The following KCNS3 variants were observed in gnomAD, a reference collection of about 807,000 sequenced individuals.
KCNS3 encodes the protein delayed-rectifier potassium channel regulatory subunit KCNS3.
In KCNS3, 13 loss-of-function variants were observed where a neutral mutation model predicts 31.0. The ratio of observed to expected loss-of-function variants is 0.42; its 90% CI spans 0.27 to 0.67. The LOEUF is 0.67. Among genes scored for constraint, KCNS3 ranks in the 30% least tolerant of loss-of-function variants. The pLI is 0.25. For synonymous variants in KCNS3, 238 were observed against 241.5 expected (o/e 0.99, Z 0.13); for missense variants, 545 against 622.4 (o/e 0.88, Z 1.32).
intron 1 of KCNS3, among the ~76,000 whole-genome samples, chr2:17,886,374 G>A (rs1319100726): frequency 6.6e-6 from 1 of 152,202 alleles, no homozygotes; most frequent in African/African-American, 2.4e-5. Context: ...GATTTGGATT[G>A]AGTGGAGATG....
chr2:17,923,667 A>G (rs1572502122), intron 2 of KCNS3, among the ~76,000 whole-genome samples: 1 of 151,924 alleles, frequency 6.6e-6, no homozygotes, highest in East Asian at 1.9e-4. Context: ...TGGGATACAT[A>G]TCCAATTTAG....
At chr2:17,907,664 A>C (rs187537160) in intron 1 of KCNS3, among the ~76,000 whole-genome samples, 2 of 152,118 alleles carry the variant, frequency 1.3e-5, no homozygotes, top group African/African-American at 4.8e-5. Context: ...GGTGGTGACA[A>C]AATCTCTCAG....
chr2:17,921,619 A>G (rs1342385831), intron 2 of KCNS3, among the ~76,000 whole-genome samples: 2 of 152,232 alleles, frequency 1.3e-5, no homozygotes, highest in East Asian at 3.9e-4. Flanking sequence ...GAAACTTAAA[A>G]TCATGGCAGA....
intron 2 of KCNS3, among the ~76,000 whole-genome samples, chr2:17,921,117 AAG>A (rs1195000347): frequency 6.6e-6 from 1 of 152,240 alleles, no homozygotes; most frequent in Non-Finnish European, 1.5e-5. Flanking sequence ...TTGAGAATAA[AAG>A]AGTGAATAAT....
chr2:17,900,656 AT>A (rs1356973018), intron 1 of KCNS3, among the ~76,000 whole-genome samples: 1 of 151,866 alleles, frequency 6.6e-6, no homozygotes, highest in Non-Finnish European at 1.5e-5. Context: ...TACCCGGCTA[AT>A]TTTTGTATTT....
Position 17,896,288 on chromosome 2 carries a change from A to G in KCNS3, c.-252+17482A>G, listed in dbSNP as rs13393371. ...GGTCTTGAACTCCTGGACTCAAGCA[A>G]TGATTCTTCTGCTTCAGCCCCCCTA... On this transcript the variant is annotated intron_variant, in intron 1 of 2. Transcript: ENST00000304101. Among the ~76,000 whole-genome samples the G allele has an allele frequency of 1.8e-3, 273 of 152,154 alleles. 2 individuals are homozygous for G. Among genetic ancestry groups the G allele is most frequent in the African/African-American group, 6.3e-3 (263 of 41,496 alleles).
At chr2:17,928,804 A>G (rs1255650338) in intron 2 of KCNS3, among the ~76,000 whole-genome samples, 2 of 152,142 alleles carry the variant, frequency 1.3e-5, no homozygotes, top group Admixed American at 1.3e-4. Flanking sequence ...TTTACAGACT[A>G]GAAAACACAT....
At chr2:17,914,401 T>G (rs943209391) in intron 1 of KCNS3, among the ~76,000 whole-genome samples, 1 of 152,256 alleles carries the variant, frequency 6.6e-6, no homozygotes, top group Non-Finnish European at 1.5e-5. Flanking sequence ...GTCTTGACAT[T>G]CAAAACCCCA....
At chr2:17,888,633 A>ATCTATATCTATCTATC (rs1553341407) in intron 1 of KCNS3, among the ~76,000 whole-genome samples, 2 of 50,466 alleles carry the variant, frequency 4.0e-5, no homozygotes, top group East Asian at 7.5e-4. Context: ...AAAAATGTAT[A>ATCTATATCTATCTATC]TATATATATA....
intron 2 of KCNS3, among the ~76,000 whole-genome samples, chr2:17,925,194 A>C (rs1227762029): frequency 6.6e-6 from 1 of 152,180 alleles, no homozygotes; most frequent in Non-Finnish European, 1.5e-5. Context: ...CATGATGAGA[A>C]GGAGAGGTAA....
chr2:17,921,376 A>G (rs1662699180), intron 2 of KCNS3, among the ~76,000 whole-genome samples: 1 of 152,166 alleles, frequency 6.6e-6, no homozygotes, highest in Non-Finnish European at 1.5e-5. Context: ...TTTTATCAAT[A>G]AATATTTTAG....
chr2:17,907,069 T>C (rs541702056), intron 1 of KCNS3, among the ~76,000 whole-genome samples: 3 of 152,220 alleles, frequency 2.0e-5, no homozygotes, highest in Non-Finnish European at 4.4e-5. Context: ...TGTTAAAGTC[T>C]CCCATTATTA....
chr2:17,906,454 A>G (rs576752277), intron 1 of KCNS3, among the ~76,000 whole-genome samples: 3 of 151,916 alleles, frequency 2.0e-5, no homozygotes, highest in Non-Finnish European at 4.4e-5. Context: ...TTGTGTCTCT[A>G]TCTCCTTCAG....
chr2:17,892,948 T>G (rs1344046146), intron 1 of KCNS3, among the ~76,000 whole-genome samples: 2 of 152,186 alleles, frequency 1.3e-5, no homozygotes, highest in Non-Finnish European at 2.9e-5. Context: ...TGTGCTAGTA[T>G]GGGGAGGAAC....
At chr2:17,880,224 C>T (rs1205243521) in intron 1 of KCNS3, among the ~76,000 whole-genome samples, 1 of 152,206 alleles carries the variant, frequency 6.6e-6, no homozygotes, top group African/African-American at 2.4e-5. Flanking sequence ...GAAGAGGTGG[C>T]TTTGATTCTC....
intron 1 of KCNS3, among the ~76,000 whole-genome samples, chr2:17,882,095 G>A (rs768729377): frequency 1.3e-5 from 2 of 152,198 alleles, no homozygotes; most frequent in Non-Finnish European, 2.9e-5. Context: ...ATTCACAAGT[G>A]CTTATTGTAT....
intron 2 of KCNS3, among the ~76,000 whole-genome samples, chr2:17,924,294 T>A (rs1662786379): frequency 6.6e-6 from 1 of 151,970 alleles, no homozygotes; most frequent in Non-Finnish European, 1.5e-5. Context: ...GATCATGTCA[T>A]CTGCAAATAG....
At chr2:17,926,863 T>C (rs1473365366) in intron 2 of KCNS3, among the ~76,000 whole-genome samples, 2 of 152,386 alleles carry the variant, frequency 1.3e-5, no homozygotes, top group African/African-American at 2.4e-5. Flanking sequence ...TGGTTACTTA[T>C]GCAAATTTCT....
chr2:17,930,296 G>A, intron 2 of KCNS3, among the ~76,000 whole-genome samples: 1 of 152,218 alleles, frequency 6.6e-6, no homozygotes, highest in East Asian at 1.9e-4. Context: ...ATCCCATGAA[G>A]TGTAATGATA....
Sources: allele counts gnomAD v4.1 joint callset (sites outside exome capture counted in the v4.1 genomes callset), GRCh38; gene constraint gnomAD v4.1.1; transcripts MANE v1.5; gene names NCBI Gene and HGNC (gene_info 2026-07-23, HGNC 2026-07-21).